SYNE1: variants seen among roughly 807,000 people sequenced by gnomAD.
SYNE1 encodes the protein nesprin-1.
SYNE1 carries 616 observed loss-of-function variants against 1,111.0 expected under a neutral mutation model. That is an observed-to-expected ratio of 0.55 (90% CI 0.52 to 0.59). The LOEUF (loss-of-function observed/expected upper bound fraction) is 0.59. Ranked by LOEUF, SYNE1 falls within the 20% of genes least tolerant of loss-of-function variation. The pLI, the probability that SYNE1 is intolerant of heterozygous loss-of-function variation, is 0.00. For synonymous variants in SYNE1, 3,855 were observed against 3,825.8 expected, an observed-to-expected ratio of 1.01 and a Z score of -0.28; for missense variants, 10,006 against 10,417.0, an observed-to-expected ratio of 0.96 and a Z score of 1.72.
At chr6:152,595,615 A>G (rs570240817) in intron 3 of SYNE1, among the ~76,000 whole-genome samples, 6 of 152,168 alleles carry the variant, frequency 3.9e-5, no homozygotes, top group Non-Finnish European at 7.3e-5. Flanking sequence ...AGCTATTCCA[A>G]ACTGCCTTGC....
chr6:152,346,579 G>A (rs976921671), intron 73 of SYNE1, among the ~76,000 whole-genome samples: 1 of 152,130 alleles, frequency 6.6e-6, no homozygotes, highest in African/African-American at 2.4e-5. Context: ...GGGAGGCAGA[G>A]GTGGGCGGAT....
intron 121 of SYNE1, among the ~76,000 whole-genome samples, chr6:152,216,788 G>A (rs146069207): frequency 1.3e-5 from 2 of 152,328 alleles, no homozygotes; most frequent in South Asian, 2.1e-4. Context: ...GGGCACAGTG[G>A]CTCATGCCTG....
intron 127 of SYNE1, among the ~76,000 whole-genome samples, chr6:152,192,579 C>T (rs190206427): frequency 4.8e-4 from 73 of 152,182 alleles, no homozygotes; most frequent in African/African-American, 1.7e-3. Context: ...TCAAGTGATT[C>T]TCCCACCTCA....
chr6:152,127,638 A>G (rs2053957986), intron 145 of SYNE1: 1 of 152,166 alleles, frequency 6.6e-6, no homozygotes, highest in Admixed American at 6.5e-5. Context: ...AGCAACAGAG[A>G]AACCTATCGG....
chr6:152,461,364 T>A (rs1242741136), intron 21 of SYNE1, among the ~76,000 whole-genome samples: 1 of 152,184 alleles, frequency 6.6e-6, no homozygotes, highest in Non-Finnish European at 1.5e-5. Flanking sequence ...TATCTAACTT[T>A]CTATTAAAAT....
intron 3 of SYNE1, among the ~76,000 whole-genome samples, chr6:152,585,962 G>A (rs1336770983): frequency 6.6e-6 from 1 of 152,076 alleles, no homozygotes; most frequent in Non-Finnish European, 1.5e-5. Flanking sequence ...GAAATACAAA[G>A]ACATGAGGTA....
Position 152,321,749 on chromosome 6 carries a change from T to G in SYNE1, c.16055A>C (p.Glu5352Ala). The change falls in exon 83 of 146, where the codon GAA becomes GCA. Residue 5352 changes from glutamate (E) to alanine (A), a missense_variant. Coordinates refer to ENST00000367255, the MANE Select transcript of SYNE1 (RefSeq NM_182961.4). ...TKEYLGNPTI[E>A]IDAQLEELQI... ...AAGTTCTTCAAGTTGAGCATCTATT[T>G]CTATTGTTGGATTCCCTAAATATTC... 6.2e-7 allele frequency: 1 copy of G among 1,614,090 alleles called. No individual in the cohort carries two copies. Among genetic ancestry groups the G allele is most frequent in the Non-Finnish European group, 8.5e-7 (1 of 1,179,976 alleles).
intron 95 of SYNE1, among the ~76,000 whole-genome samples, chr6:152,291,336 G>A (rs1046888093): frequency 6.7e-6 from 1 of 150,238 alleles, no homozygotes; most frequent in African/African-American, 2.4e-5. Context: ...CCCAATGACT[G>A]GTAATCTTCA....
intron 99 of SYNE1, 45 bp from the exon 100 acceptor site, chr6:152,268,210 G>A: frequency 5.5e-6 from 8 of 1,450,412 alleles, no homozygotes; most frequent in African/African-American, 2.8e-5. Context: ...GCTACTTTAT[G>A]ATTATTGCCT....
intron 36 of SYNE1, among the ~76,000 whole-genome samples, chr6:152,429,027 A>T (rs2098402183): frequency 6.6e-6 from 1 of 151,304 alleles, no homozygotes; most frequent in South Asian, 2.1e-4. Flanking sequence ...TGCTATAATC[A>T]CTCCAAAAAA....
At chr6:152,498,837 G>T (rs759591060) in intron 10 of SYNE1, 45 bp from the exon 11 acceptor site, 7 of 1,143,638 alleles carry the variant, frequency 6.1e-6, no homozygotes, top group Admixed American at 2.7e-5. Flanking sequence ...ATATAAATCA[G>T]GGTCAAAAAT....
At chr6:152,461,459 C>T (rs2098733632) in intron 21 of SYNE1, 138 bp downstream of exon 21, 1 of 1,061,682 alleles carries the variant, frequency 9.4e-7, no homozygotes, top group Non-Finnish European at 1.4e-6. Context: ...GACAAAGTTA[C>T]TAAATTGAGA....
At chr6:152,205,350 G>C (rs1053622528) in intron 126 of SYNE1, among the ~76,000 whole-genome samples, 1 of 152,092 alleles carries the variant, frequency 6.6e-6, no homozygotes, top group Non-Finnish European at 1.5e-5. Context: ...TTAGCGCTCA[G>C]TATGAGCCAG....
intron 128 of SYNE1, among the ~76,000 whole-genome samples, chr6:152,187,854 T>C (rs2070682145): frequency 6.6e-6 from 1 of 151,954 alleles, no homozygotes; most frequent in Admixed American, 6.6e-5. Context: ...GCCTCCCAAG[T>C]AGCTGGGATT....
chr6:152,430,408 A>G (rs1166515178), intron 35 of SYNE1, 74 bp downstream of exon 35: 1 of 1,353,128 alleles, frequency 7.4e-7, no homozygotes, highest in African/African-American at 1.4e-5. Flanking sequence ...CACTATTTGT[A>G]AAGTATTTAT....
At chr6:152,405,008 T>C (rs1033374492) in intron 45 of SYNE1, 2 of 152,284 alleles carry the variant, frequency 1.3e-5, no homozygotes, top group African/African-American at 4.8e-5. Context: ...AACCTCCTGA[T>C]GCCTTCAATT....
intron 33 of SYNE1, chr6:152,434,175 G>A (rs1395896900): frequency 1.9e-6 from 1 of 538,078 alleles, no homozygotes; most frequent in Non-Finnish European, 3.3e-6. Context: ...CACTTTGAGT[G>A]AAACTGCACT....
At chr6:152,374,116 T>C (rs2097237507) in intron 58 of SYNE1, among the ~76,000 whole-genome samples, 1 of 152,204 alleles carries the variant, frequency 6.6e-6, no homozygotes, top group African/African-American at 2.4e-5. Context: ...AAGAGAGTGT[T>C]TCATAGGGTT....
intron 75 of SYNE1, among the ~76,000 whole-genome samples, chr6:152,338,413 G>A (rs377093133): frequency 4.0e-4 from 61 of 152,210 alleles, no homozygotes; most frequent in African/African-American, 1.3e-3. Flanking sequence ...CTTGAGCCCA[G>A]GAGTTCGAGA....
Sources: gnomAD v4.1 joint callset for allele counts (sites outside exome capture counted in the v4.1 genomes callset) on GRCh38, gnomAD v4.1.1 for gene constraint, MANE v1.5 for transcripts, NCBI Gene and HGNC (gene_info 2026-07-23, HGNC 2026-07-21) for gene names.